The following KIF1A variants were observed in gnomAD, a reference collection of about 807,000 sequenced individuals.
KIF1A encodes the protein kinesin-like protein KIF1A.
KIF1A carries 46 observed loss-of-function variants against 227.3 expected under a neutral mutation model. The observed-to-expected ratio is 0.20, with a 90% CI of 0.16 to 0.26. The LOEUF is 0.26. Ranked by LOEUF, KIF1A falls within the 10% of genes least tolerant of loss-of-function variation. The pLI is 1.00. For missense variants in KIF1A, 1,683 were observed against 2,485.9 expected, an observed-to-expected ratio of 0.68 and a Z score of 6.87; for synonymous variants, 1,022 against 1,012.8, an observed-to-expected ratio of 1.01 and a Z score of -0.17.
chr2:240,737,759 T>C (rs931825064), intron 37 of KIF1A, among the ~76,000 whole-genome samples: 1 of 152,142 alleles, frequency 6.6e-6, no homozygotes, highest in South Asian at 2.1e-4. Context: ...GCAGGAAAAC[T>C]GTCTAGTGGC....
Position 240,758,367 on chromosome 2 carries a change from C to A in KIF1A, c.2575G>T (p.Val859Leu). The change falls in exon 26 of 49, where the codon GTG becomes TTG. Residue 859 changes from valine to leucine, a missense_variant. By Grantham distance (32) the Val-to-Leu change is conservative (BLOSUM62 1). Coordinates refer to ENST00000498729, the MANE Select transcript of KIF1A (RefSeq NM_001244008.2). The surrounding 1 kb of genome is among the most constrained non-coding windows in gnomAD (Gnocchi z 5.2). ...AAGGGAGGAGGCGCCCACCTGCCCACCAGCCGGAACCAGGGGAAGCGGTCA... is the reference window on the plus strand; with the variant it reads ...AAGGGAGGAGGCGCCCACCTGCCCAACAGCCGGAACCAGGGGAAGCGGTCA... ...FYDRFPWFRLVGSSAISGCNS... is the reference protein window; with the variant it reads ...FYDRFPWFRLLGSSAISGCNS... 1 of 1,610,800 alleles carries A rather than the reference C, an allele frequency of 6.2e-7. No individual in the cohort carries two copies. The highest frequency in any genetic ancestry group is 8.5e-7 in the Non-Finnish European group (1 of 1,178,390).
At chr2:240,774,926 C>T (rs945198229) in intron 11 of KIF1A, among the ~76,000 whole-genome samples, 4 of 152,114 alleles carry the variant, frequency 2.6e-5, no homozygotes, top group Non-Finnish European at 5.9e-5. Context: ...GGGCATGGGT[C>T]CCCAGTGGGT....
Position 240,819,728 on chromosome 2 carries a change from C to G in KIF1A, c.-61+394G>C, listed in dbSNP as rs550731430. 2.8e-3 allele frequency among the ~76,000 whole-genome samples: 424 copies of G among 152,264 alleles called. 4 individuals are homozygous for G. Among genetic ancestry groups the G allele is most frequent in the African/African-American group, 9.5e-3 (394 of 41,572 alleles). On this transcript the variant is annotated intron_variant, in intron 1 of 48. Transcript: ENST00000498729. ...CTGGGCGCAGCCCCTCCCGCAGCCCCGCCGGTGGCTCCTCTCCAGGGAAGC... is the reference window on the plus strand; with the variant it reads ...CTGGGCGCAGCCCCTCCCGCAGCCCGGCCGGTGGCTCCTCTCCAGGGAAGC...
In KIF1A at chr2:240,768,674, G is replaced by A. The variant is rs947280245; in HGVS notation, c.1497+459C>T. ...CTGTGCCATGTGAGGGCCTCCAGCT[G>A]AAAGACCCCTTAGGCCTGGCCTGGT... On this transcript the variant is annotated intron_variant, in intron 17 of 48. Transcript: ENST00000498729. Among the ~76,000 whole-genome samples, 3 of 152,184 alleles carry A rather than the reference G, an allele frequency of 2.0e-5. No individual in the cohort carries two copies. In the South Asian group the frequency reaches 6.2e-4, roughly 32 times the overall value.
In KIF1A at chr2:240,757,606, G is replaced by A; in HGVS notation, c.2583-12C>T. On this transcript the variant is annotated splice_polypyrimidine_tract_variant and intron_variant, in intron 26 of 48. Coordinates refer to ENST00000498729, the MANE Select transcript of KIF1A (RefSeq NM_001244008.2). This position sits in a 1 kb window ranked among gnomAD's most constrained non-coding sequence, Gnocchi z 6.2. ...CAGAGATGGCTGAACTGAGGTTAGT[G>A]CGACAAGACAGAGAGAAGTTAACAC... The A allele has an allele frequency of 1.3e-6, 2 of 1,549,684 alleles. No homozygotes were observed. Among genetic ancestry groups the A allele is most frequent in the Non-Finnish European group, 1.7e-6 (2 of 1,146,618 alleles).
Position 240,758,317 on chromosome 2 carries a change from C to T in KIF1A, c.2582+43G>A, listed in dbSNP as rs767056572. 6.3e-7 allele frequency: 1 copy of T among 1,587,814 alleles called. No individual in the cohort carries two copies. Among genetic ancestry groups the T allele is most frequent in the Non-Finnish European group, 8.6e-7 (1 of 1,166,886 alleles). The stretch of plus-strand genomic sequence containing the variant: ...CTCCTACCCCCACTGCCATCTCTCT[C>T]TCTCAATCTCTCTCTCTGCCAAGGA... On this transcript the variant is annotated intron_variant, in intron 26 of 48. Coordinates refer to ENST00000498729, the MANE Select transcript of KIF1A (RefSeq NM_001244008.2). The surrounding 1 kb of genome is among the most constrained non-coding windows in gnomAD (Gnocchi z 5.2).
At position 240,790,029 on chromosome 2, in the gene KIF1A, A is replaced by T. The variant is rs1397883465; in HGVS notation, c.107-717T>A. On this transcript the variant is annotated intron_variant, in intron 2 of 48. Coordinates refer to ENST00000498729, the MANE Select transcript of KIF1A (RefSeq NM_001244008.2). The surrounding 1 kb of genome is among the most constrained non-coding windows in gnomAD (Gnocchi z 5.0). ...GGAGCTGTCCCAGTATGAGTGTCCC[A>T]GGAGCTCCTCCCACCCACACAGCCT... 6.6e-6 allele frequency among the ~76,000 whole-genome samples: 1 copy of T among 152,068 alleles called. No individual in the cohort carries two copies. Among genetic ancestry groups the T allele is most frequent in the East Asian group, 1.9e-4 (1 of 5,154 alleles).
chr2:240,774,501 G>C (rs1005819134), intron 11 of KIF1A, among the ~76,000 whole-genome samples: 3 of 148,506 alleles, frequency 2.0e-5, no homozygotes, highest in Non-Finnish European at 3.0e-5. Context: ...TCTTTTACTT[G>C]TGTTTTTCTC....
chr2:240,717,271 G>A lies in KIF1A; in HGVS notation c.*93C>T. On this transcript the variant is annotated 3_prime_UTR_variant, in exon 49 of 49. Transcript: ENST00000498729. Reference sequence around the variant, plus strand: ...GGGTCGACCCGGTCGTGGGCTGTCTGGCAGGAGAGGGGCTGGGCGGCAGGT... The same window carrying A: ...GGGTCGACCCGGTCGTGGGCTGTCTAGCAGGAGAGGGGCTGGGCGGCAGGT... 1.6e-6 allele frequency: 2 copies of A among 1,280,066 alleles called. No homozygotes were observed. The highest frequency in any genetic ancestry group is 2.2e-6 in the Non-Finnish European group (2 of 893,774). 79.3% of individuals were successfully genotyped at this position (1,280,066 alleles called of 1,614,324 possible). A position where few individuals can be genotyped will look rare whatever the true frequency, so the allele number is the denominator to read the frequency against.
rs574159224 is a variant in KIF1A, at chr2:240,819,358, G to C, written c.-61+764C>G. Among the ~76,000 whole-genome samples the C allele has an allele frequency of 3.5e-3, 526 of 152,214 alleles. 19 individuals carry two copies. The highest frequency in any genetic ancestry group is 1.7e-3 in the East Asian group (9 of 5,150). ...GCCGCCGGGCCACACCTGTTACAGG[G>C]GCGCTGGCTGCTGAGACGCAGGCAG... On this transcript the variant is annotated intron_variant, in intron 1 of 48. Transcript: ENST00000498729.
chr2:240,766,519 G>A lies in KIF1A; in HGVS notation c.1684+396C>T, dbSNP rs757602641. Among the ~76,000 whole-genome samples the A allele has an allele frequency of 5.3e-5, 8 of 151,982 alleles. No individual in the cohort carries two copies. Among genetic ancestry groups the A allele is most frequent in the African/African-American group, 1.7e-4 (7 of 41,372 alleles). On this transcript the variant is annotated intron_variant, in intron 19 of 48. Transcript: ENST00000498729. The surrounding 1 kb of genome is among the most constrained non-coding windows in gnomAD (Gnocchi z 5.0). ...AATCCTCATGGCTCACTGTCCTCCC[G>A]CCATGAACATCCTCCACCCTGGGCC...
Position 240,714,212 on chromosome 2 carries a change from AG to A in KIF1A, c.*3151del, listed in dbSNP as rs1288799855. 6.6e-6 allele frequency: 1 copy of A among 152,504 alleles called. No homozygotes were observed. The highest frequency in any genetic ancestry group is 2.4e-5 in the African/African-American group (1 of 41,444). The allele number at this position is 152,504 out of a possible 1,614,324, so 9.4% of individuals were successfully genotyped here. On this transcript the variant is annotated 3_prime_UTR_variant, in exon 49 of 49. Transcript: ENST00000498729. ...ACTCCAGGGACCAGGGTTGACAGGG[AG>A]GGCCACCTCATCACAGCCGTCCTGG... is the stretch of plus-strand genomic sequence containing the variant.
At chr2:240,762,195 A>G (rs1375971946) in intron 23 of KIF1A, among the ~76,000 whole-genome samples, 2 of 152,232 alleles carry the variant, frequency 1.3e-5, no homozygotes, top group African/African-American at 4.8e-5. Flanking sequence ...GATGGGTGCA[A>G]ACCCCTCCCC....
chr2:240,796,687 C>T (rs1330237184), intron 2 of KIF1A, among the ~76,000 whole-genome samples: 2 of 152,208 alleles, frequency 1.3e-5, no homozygotes, highest in Non-Finnish European at 2.9e-5. Flanking sequence ...CCCAGCCTGT[C>T]CACTGCACCA....
intron 11 of KIF1A, among the ~76,000 whole-genome samples, chr2:240,774,889 C>T (rs566246993): frequency 6.6e-5 from 10 of 152,288 alleles, no homozygotes; most frequent in South Asian, 4.1e-4. Context: ...CCCCAGGGAA[C>T]TGTGTATCCT....
In KIF1A at chr2:240,752,981, A is replaced by G. The variant is rs892007988; in HGVS notation, c.2859-2434T>C. On this transcript the variant is annotated intron_variant, in intron 27 of 48. Transcript: ENST00000498729. The surrounding 1 kb of genome is among the most constrained non-coding windows in gnomAD (Gnocchi z 6.4). ...TCAGACACTACCTTTCCTACCCCCA[A>G]AGACCCATCACCACAGCTGCCTTCC... 3.3e-5 allele frequency among the ~76,000 whole-genome samples: 5 copies of G among 152,058 alleles called. No individual in the cohort carries two copies. Among genetic ancestry groups the G allele is most frequent in the Non-Finnish European group, 7.4e-5 (5 of 67,996 alleles).
intron 47 of KIF1A, among the ~76,000 whole-genome samples, chr2:240,718,680 G>A (rs534429777): frequency 1.3e-5 from 2 of 152,344 alleles, no homozygotes; most frequent in East Asian, 3.9e-4. Flanking sequence ...TTCCTGCAGG[G>A]CTGGTGCCAC....
At chr2:240,782,464 C>A (rs1311697780) in intron 10 of KIF1A, 126 bp downstream of exon 10, 6 of 1,079,630 alleles carry the variant, frequency 5.6e-6, no homozygotes, top group South Asian at 3.0e-5. Context: ...CCGGGATCCA[C>A]CCCCACGTCC....
intron 10 of KIF1A, among the ~76,000 whole-genome samples, chr2:240,777,383 T>C (rs1396760627): frequency 1.3e-5 from 2 of 152,160 alleles, no homozygotes; most frequent in Non-Finnish European, 2.9e-5. Context: ...TGAGGGTGAA[T>C]TCTCTGCTAT....
Sources: allele counts gnomAD v4.1 joint callset (sites outside exome capture counted in the v4.1 genomes callset), GRCh38; gene constraint gnomAD v4.1.1; non-coding constraint Gnocchi (gnomAD v3.1); transcripts MANE v1.5; gene names NCBI Gene and HGNC (gene_info 2026-07-23, HGNC 2026-07-21).